The following SDK1 variants were observed in gnomAD, a reference collection of about 807,000 sequenced individuals.
The protein encoded by SDK1 is protein sidekick-1.
SDK1 carries 157 observed loss-of-function variants against 245.5 expected under a neutral mutation model. That is an observed-to-expected ratio of 0.64 (90% confidence interval 0.56 to 0.73). SDK1 has a LOEUF of 0.73. Ranked by LOEUF, SDK1 falls within the 30% of genes least tolerant of loss-of-function variation. SDK1 has a pLI of 0.00. For missense variants in SDK1, 3,583 were observed against 3,002.3 expected (o/e 1.19, Z -4.52); for synonymous variants, 1,647 against 1,278.5 (o/e 1.29, Z -6.15).
At chr7:3,909,400 T>G (rs1583548159) in intron 5 of SDK1, among the ~76,000 whole-genome samples, 1 of 151,942 alleles carries the variant, frequency 6.6e-6, no homozygotes, top group Non-Finnish European at 1.5e-5. Context: ...GGAGCAGGGG[T>G]GGGTGGAGTA....
intron 1 of SDK1, among the ~76,000 whole-genome samples, chr7:3,511,808 T>A (rs1019948198): frequency 1.3e-5 from 2 of 150,628 alleles, no homozygotes; most frequent in African/African-American, 2.5e-5. Context: ...TGTTTTTTTT[T>A]AACTTTTTAG....
chr7:3,805,147 G>A (rs1056172125), intron 4 of SDK1, among the ~76,000 whole-genome samples: 2 of 152,024 alleles, frequency 1.3e-5, no homozygotes, highest in African/African-American at 2.4e-5. Context: ...ATTTTTATTC[G>A]TCCATTAAAA....
At chr7:4,250,230 T>C (rs1787203815) in intron 44 of SDK1, among the ~76,000 whole-genome samples, 1 of 152,356 alleles carries the variant, frequency 6.6e-6, no homozygotes, top group East Asian at 1.9e-4. Context: ...AATCAATTTG[T>C]GTGTTTCATC....
At position 3,835,332 on chromosome 7, in the gene SDK1, C is replaced by T. The variant is rs75059234; in HGVS notation, c.847+13749C>T. ...ATGACTGCATTTGACCTGCTGGTTG[C>T]GGGCGTCCCTCTTTGTCTCAGTCTT... On this transcript the variant is annotated intron_variant, in intron 5 of 44. Transcript: ENST00000404826. Among the ~76,000 whole-genome samples, 782 of 152,274 alleles carry T rather than the reference C, an allele frequency of 5.1e-3. 7 individuals carry two copies. The highest frequency in any genetic ancestry group is 0.018 in the African/African-American group (750 of 41,548).
chr7:4,110,945 T>C (rs1363099488), intron 23 of SDK1, among the ~76,000 whole-genome samples, 173 bp downstream of exon 23: 1 of 152,154 alleles, frequency 6.6e-6, no homozygotes, highest in African/African-American at 2.4e-5. Context: ...CTTGGTGTTA[T>C]TCCAAGGGAG....
At chr7:4,046,071 G>A (rs1385545365) in intron 17 of SDK1, among the ~76,000 whole-genome samples, 1 of 151,862 alleles carries the variant, frequency 6.6e-6, no homozygotes, top group African/African-American at 2.4e-5. Flanking sequence ...AGGGACTACA[G>A]GCATGCACTA....
At chr7:4,034,880 A>G (rs1241706901) in intron 17 of SDK1, among the ~76,000 whole-genome samples, 2 of 152,238 alleles carry the variant, frequency 1.3e-5, no homozygotes, top group Non-Finnish European at 2.9e-5. Context: ...AGCTATGGGG[A>G]AAAAGAAGGT....
At chr7:3,341,968 C>G (rs1353250238) in intron 1 of SDK1, among the ~76,000 whole-genome samples, 4 of 152,086 alleles carry the variant, frequency 2.6e-5, no homozygotes, top group Admixed American at 2.6e-4. Context: ...CCCAGAATAA[C>G]TAAAACGATC....
At chr7:3,376,201 GA>G (rs1400689349) in intron 1 of SDK1, among the ~76,000 whole-genome samples, 3 of 151,838 alleles carry the variant, frequency 2.0e-5, no homozygotes, top group Non-Finnish European at 2.9e-5. Flanking sequence ...TGCCTTGGGG[GA>G]AAAAAAGAAA....
In SDK1 at chr7:3,821,563, T is replaced by G. The variant is rs1303604817; in HGVS notation, c.827T>G (p.Phe276Cys). ...EKNGENKTSPFIHLSIARDVG... is the reference protein window; with the variant it reads ...EKNGENKTSPCIHLSIARDVG... ...AATGGAGAAAACAAGACAAGCCCAT[T>G]CATTCATTTGAGCATAGCAAGTGAG... The change falls in exon 5 of 45, where the codon TTC (phenylalanine) becomes TGC (cysteine). Residue 276 changes from phenylalanine (F) to cysteine (C), a missense_variant. Coordinates refer to ENST00000404826, the MANE Select transcript of SDK1 (RefSeq NM_152744.4). 1 of 1,613,784 alleles carries G rather than the reference T, an allele frequency of 6.2e-7. No individual in the cohort carries two copies. Among genetic ancestry groups the G allele is most frequent in the East Asian group, 2.2e-5 (1 of 44,850 alleles).
At position 3,648,175 on chromosome 7, in the gene SDK1, A is replaced by G. The variant is rs1782906275; in HGVS notation, c.713+6070A>G. On this transcript the variant is annotated intron_variant, in intron 4 of 44. Coordinates refer to ENST00000404826, the MANE Select transcript of SDK1 (RefSeq NM_152744.4). The stretch of plus-strand genomic sequence containing the variant: ...ATTTTGGTTTAGATATATTTTCTTT[A>G]TTTCCATTTATTTCTCAAAATATGA... Among the ~76,000 whole-genome samples the G allele has an allele frequency of 2.0e-5, 3 of 152,156 alleles. No homozygotes were observed. In the South Asian group the frequency reaches 6.2e-4, roughly 32 times the overall value.
At chr7:4,216,578 G>GT (rs1216308711) in intron 38 of SDK1, among the ~76,000 whole-genome samples, 3 of 152,250 alleles carry the variant, frequency 2.0e-5, no homozygotes, top group Admixed American at 6.5e-5. Flanking sequence ...CAGGGAAACA[G>GT]TTGCAAACGC....
At chr7:3,926,012 C>T (rs1003989807) in intron 5 of SDK1, among the ~76,000 whole-genome samples, 5 of 152,122 alleles carry the variant, frequency 3.3e-5, no homozygotes, top group African/African-American at 9.7e-5. Flanking sequence ...AAGGGCAGCA[C>T]GTGAGAGTGT....
chr7:3,393,326 G>A (rs1452415956), intron 1 of SDK1, among the ~76,000 whole-genome samples: 2 of 152,058 alleles, frequency 1.3e-5, no homozygotes, highest in African/African-American at 2.4e-5. Flanking sequence ...TCAATCATAT[G>A]ATAATTCTGT....
intron 1 of SDK1, among the ~76,000 whole-genome samples, chr7:3,367,884 G>C (rs1327145823): frequency 6.6e-6 from 1 of 152,122 alleles, no homozygotes; most frequent in Non-Finnish European, 1.5e-5. Flanking sequence ...TGAATATATA[G>C]GAAAATGTTT....
At chr7:3,631,011 C>T (rs1488056334) in intron 2 of SDK1, among the ~76,000 whole-genome samples, 3 of 152,080 alleles carry the variant, frequency 2.0e-5, no homozygotes, top group East Asian at 3.9e-4. Flanking sequence ...TGGTTCACTC[C>T]AGCTTCTGCC....
chr7:3,384,318 T>C (rs1171764105), intron 1 of SDK1, among the ~76,000 whole-genome samples: 1 of 152,216 alleles, frequency 6.6e-6, no homozygotes, highest in Non-Finnish European at 1.5e-5. Context: ...TTTTCATTTT[T>C]ATTTTATAAA....
intron 1 of SDK1, among the ~76,000 whole-genome samples, chr7:3,326,642 C>T (rs1339934026): frequency 6.6e-6 from 1 of 152,138 alleles, no homozygotes; most frequent in Non-Finnish European, 1.5e-5. Context: ...TTCTCACCAA[C>T]ACTGCTTTCT....
At chr7:4,147,886 G>A (rs555279239) in intron 29 of SDK1, among the ~76,000 whole-genome samples, 1 of 152,138 alleles carries the variant, frequency 6.6e-6, no homozygotes, top group East Asian at 1.9e-4. Context: ...TGCCCCTCCC[G>A]CGAGCCAGGC....
Sources: gnomAD v4.1 joint callset for allele counts (sites outside exome capture counted in the v4.1 genomes callset) on GRCh38, gnomAD v4.1.1 for gene constraint, MANE v1.5 for transcripts, NCBI Gene and HGNC (gene_info 2026-07-23, HGNC 2026-07-21) for gene names.